NTAQ1: variants seen among roughly 807,000 people sequenced by gnomAD.
NTAQ1 encodes protein N-terminal glutamine amidohydrolase.
A neutral mutation model predicts 28.2 loss-of-function variants in NTAQ1; 21 were observed. The ratio of observed to expected loss-of-function variants is 0.74; its 90% CI spans 0.53 to 1.07. The LOEUF is 1.07. Among genes scored for constraint, NTAQ1 ranks in the 50% least tolerant of loss-of-function variants. NTAQ1 has a pLI of 0.00. For missense variants in NTAQ1, 264 were observed against 256.6 expected (o/e 1.03, Z -0.20); for synonymous variants, 105 against 90.0 (o/e 1.17, Z -0.94).
downstream of NTAQ1, among the ~76,000 whole-genome samples, chr8:123,450,036 G>A (rs374222299): frequency 1.4e-5 from 2 of 143,314 alleles, no homozygotes; most frequent in East Asian, 4.3e-4. Context: ...CAAATTGGGA[G>A]ACATCTGTTA....
chr8:123,425,625 G>A (rs1203531744), intron 1 of NTAQ1, among the ~76,000 whole-genome samples: 1 of 152,140 alleles, frequency 6.6e-6, no homozygotes, highest in African/African-American at 2.4e-5. Flanking sequence ...AAAGATTGAT[G>A]AACTGAAAGA....
chr8:123,466,005 A>G (rs2130438231), intron 6 of NTAQ1, among the ~76,000 whole-genome samples: 1 of 152,268 alleles, frequency 6.6e-6, no homozygotes, highest in South Asian at 2.1e-4. Context: ...CATGAAAGTC[A>G]TTTTAAATCC....
intron 6 of NTAQ1, among the ~76,000 whole-genome samples, chr8:123,453,362 G>A (rs1023016473): frequency 6.6e-6 from 1 of 151,984 alleles, no homozygotes; most frequent in African/African-American, 2.4e-5. Flanking sequence ...GCTCAAATGA[G>A]ATTGTGTGTG....
chr8:123,421,414 A>G (rs754887315), intron 1 of NTAQ1, among the ~76,000 whole-genome samples: 3 of 151,720 alleles, frequency 2.0e-5, no homozygotes, highest in South Asian at 2.1e-4. Flanking sequence ...CTGGAGTGAG[A>G]TGGTATCTCA....
chr8:123,421,968 C>A (rs1346363265), intron 1 of NTAQ1, among the ~76,000 whole-genome samples: 1 of 152,104 alleles, frequency 6.6e-6, no homozygotes. Context: ...GCGTGAGCCA[C>A]CGCGCCCAGC....
intron 3 of NTAQ1, among the ~76,000 whole-genome samples, chr8:123,430,311 T>A (rs577937626): frequency 1.3e-5 from 2 of 152,310 alleles, no homozygotes; most frequent in Admixed American, 6.5e-5. Flanking sequence ...AGGAAGGAAC[T>A]TTGGCTACAC....
chr8:123,458,745 C>T (rs1241243282), intron 6 of NTAQ1, among the ~76,000 whole-genome samples: 2 of 151,674 alleles, frequency 1.3e-5, no homozygotes, highest in East Asian at 2.0e-4. Flanking sequence ...CTCAGCCTCC[C>T]GAGTAGCTGG....
At chr8:123,465,080 C>A (rs540424911) in intron 6 of NTAQ1, among the ~76,000 whole-genome samples, 1 of 152,062 alleles carries the variant, frequency 6.6e-6, no homozygotes, top group Non-Finnish European at 1.5e-5. Context: ...CGATACTGAG[C>A]CAGAGCCATT....
chr8:123,429,734 G>T (rs1159669876), intron 2 of NTAQ1, among the ~76,000 whole-genome samples: 1 of 152,122 alleles, frequency 6.6e-6, no homozygotes, highest in African/African-American at 2.4e-5. Flanking sequence ...TAAAAAATTA[G>T]CTGGGTGTGG....
At chr8:123,436,052 C>T in intron 3 of NTAQ1, among the ~76,000 whole-genome samples, 1 of 151,074 alleles carries the variant, frequency 6.6e-6, no homozygotes. Context: ...GCTTGTAATC[C>T]CAGCTACTCG....
intron 1 of NTAQ1, among the ~76,000 whole-genome samples, chr8:123,426,033 C>T: frequency 6.6e-6 from 1 of 152,060 alleles, no homozygotes; most frequent in African/African-American, 2.4e-5. Flanking sequence ...CCGCTCCCCC[C>T]TGCAAAAAAG....
intron 1 of NTAQ1, 22 bp downstream of exon 1, chr8:123,416,954 C>G (rs1312554485): frequency 8.3e-6 from 12 of 1,449,942 alleles, no homozygotes; most frequent in Non-Finnish European, 1.0e-5. Flanking sequence ...CGGGCGCAGC[C>G]TCTGGGTCTC....
At chr8:123,426,744 G>A (rs112343126) in intron 1 of NTAQ1, among the ~76,000 whole-genome samples, 2 of 152,054 alleles carry the variant, frequency 1.3e-5, no homozygotes, top group South Asian at 4.1e-4. Context: ...TGGATCACTT[G>A]AGATCAAGAG....
Position 123,434,859 on chromosome 8 carries a change from G to A in NTAQ1, c.235-1594G>A, listed in dbSNP as rs118154341. 2.4e-3 allele frequency among the ~76,000 whole-genome samples: 358 copies of A among 152,218 alleles called. 1 individual carries two copies. Among genetic ancestry groups the A allele is most frequent in the Non-Finnish European group, 2.4e-3 (166 of 68,006 alleles). The stretch of plus-strand genomic sequence containing the variant: ...AGGCAGTGGTGGACTGTTTGGGGGC[G>A]TGGAGGATAGGATGTATCTGGGGAA... On this transcript the variant is annotated intron_variant, in intron 3 of 5. Coordinates refer to ENST00000287387, the MANE Select transcript of NTAQ1 (RefSeq NM_018024.3).
At chr8:123,462,126 A>G (rs191428822) in intron 6 of NTAQ1, among the ~76,000 whole-genome samples, 76 of 151,864 alleles carry the variant, frequency 5.0e-4, no homozygotes, top group African/African-American at 1.5e-3. Flanking sequence ...GCTCACTACA[A>G]CCTCCTCCTC....
chr8:123,445,636 C>T (rs1300814282), downstream of NTAQ1, among the ~76,000 whole-genome samples: 1 of 152,120 alleles, frequency 6.6e-6, no homozygotes, highest in East Asian at 1.9e-4. Context: ...GACAGAGTCG[C>T]ACTCTGTTGC....
At chr8:123,433,761 T>C (rs957296070) in intron 3 of NTAQ1, among the ~76,000 whole-genome samples, 2 of 152,180 alleles carry the variant, frequency 1.3e-5, no homozygotes, top group Non-Finnish European at 2.9e-5. Flanking sequence ...GGTTGTCTTT[T>C]AAAAGGGTTG....
At chr8:123,463,493 A>G (rs1815888627) in intron 6 of NTAQ1, among the ~76,000 whole-genome samples, 1 of 152,148 alleles carries the variant, frequency 6.6e-6, no homozygotes, top group Non-Finnish European at 1.5e-5. Context: ...TCTTTGATTG[A>G]TATTGTTTAT....
chr8:123,427,731 G>T (rs757675354), intron 1 of NTAQ1, among the ~76,000 whole-genome samples, 193 bp from the exon 2 acceptor site: 7 of 152,292 alleles, frequency 4.6e-5, no homozygotes, highest in South Asian at 4.1e-4. Context: ...GTGGAGAGGG[G>T]TTTACACACA....
Sources: gnomAD v4.1 joint callset for allele counts (sites outside exome capture counted in the v4.1 genomes callset) on GRCh38, gnomAD v4.1.1 for gene constraint, MANE v1.5 for transcripts, NCBI Gene and HGNC (gene_info 2026-07-23, HGNC 2026-07-21) for gene names.